Variants in PDE11A observed in about 807,000 individuals in gnomAD.
PDE11A encodes phosphodiesterase 11A.
PDE11A carries 100 observed loss-of-function variants against 100.5 expected under a neutral mutation model. The observed-to-expected ratio is 1.00, with a 90% CI of 0.85 to 1.18. The LOEUF is 1.18. Among genes scored for constraint, PDE11A ranks in the 50% most tolerant of loss-of-function variants. The probability of loss-of-function intolerance (pLI) is 0.00; values close to 1 mark genes in which losing one functional copy is unlikely to be tolerated. For synonymous variants in PDE11A, 381 were observed against 420.8 expected, an observed-to-expected ratio of 0.91 and a Z score of 1.16; for missense variants, 1,141 against 1,152.6, an observed-to-expected ratio of 0.99 and a Z score of 0.15.
chr2:177,707,237 C>G (rs1309343216), intron 13 of PDE11A, among the ~76,000 whole-genome samples: 2 of 152,178 alleles, frequency 1.3e-5, no homozygotes, highest in South Asian at 2.1e-4. Flanking sequence ...AGAATATCAA[C>G]TCTAAAGAGT....
At chr2:177,682,020 T>C (rs1222788284) in intron 15 of PDE11A, among the ~76,000 whole-genome samples, 3 of 152,200 alleles carry the variant, frequency 2.0e-5, no homozygotes, top group Non-Finnish European at 4.4e-5. Context: ...GAGAATTAAG[T>C]AAGAGCTTGG....
chr2:177,828,834 C>A (rs2083265610), intron 6 of PDE11A, among the ~76,000 whole-genome samples: 1 of 152,058 alleles, frequency 6.6e-6, no homozygotes, highest in African/African-American at 2.4e-5. Flanking sequence ...GCTTTTACTG[C>A]AGTGAAATAA....
In PDE11A at chr2:178,015,281, T is replaced by C. The variant is rs79249164; in HGVS notation, c.913-821A>G. ...ATAATGCAATGGAAAGGACACAACA[T>C]CACCAAGAATACAGTGTTCTTGTCA... On this transcript the variant is annotated intron_variant, in intron 1 of 19. Coordinates refer to ENST00000286063, the MANE Select transcript of PDE11A (RefSeq NM_016953.4). 2.8e-3 allele frequency among the ~76,000 whole-genome samples: 433 copies of C among 152,274 alleles called. 14 individuals are homozygous for C. The East Asian group carries it at 0.071, about 25-fold the overall frequency.
chr2:178,068,128 T>A (rs1474967386), intron 1 of PDE11A, among the ~76,000 whole-genome samples: 1 of 152,174 alleles, frequency 6.6e-6, no homozygotes, highest in Admixed American at 6.5e-5. Context: ...TGAGGGCAAT[T>A]TTTTCATTAC....
rs1287529242 is a variant in PDE11A at position 177,964,083 on chromosome 2, G to C, written c.1071+50219C>G. On this transcript the variant is annotated intron_variant, in intron 2 of 19. Coordinates refer to ENST00000286063, the MANE Select transcript of PDE11A (RefSeq NM_016953.4). The stretch of plus-strand genomic sequence containing the variant: ...ATTTAATTTCTATTATTTTCCAGGT[G>C]ATACATATAAATAACTTGAAAAAGT... Among the ~76,000 whole-genome samples the C allele has an allele frequency of 2.0e-5, 3 of 151,952 alleles. No individual in the cohort carries two copies. In the East Asian group the frequency reaches 5.8e-4, roughly 29 times the overall value.
intron 9 of PDE11A, among the ~76,000 whole-genome samples, chr2:177,796,106 C>G (rs1176675934): frequency 6.6e-6 from 1 of 151,216 alleles, no homozygotes; most frequent in Non-Finnish European, 1.5e-5. Flanking sequence ...TTGGAAAGGC[C>G]TGACTGTGAC....
intron 1 of PDE11A, among the ~76,000 whole-genome samples, chr2:178,047,851 CAG>C (rs2086771898): frequency 6.6e-6 from 1 of 152,060 alleles, no homozygotes; most frequent in African/African-American, 2.4e-5. Context: ...TTCTGAGGGC[CAG>C]AGAGAGAGGT....
chr2:177,904,729 T>A (rs1232949164), intron 3 of PDE11A, among the ~76,000 whole-genome samples: 1 of 152,052 alleles, frequency 6.6e-6, no homozygotes, highest in Non-Finnish European at 1.5e-5. Context: ...AATTTTTGTA[T>A]TTTTAGTAGC....
intron 10 of PDE11A, among the ~76,000 whole-genome samples, chr2:177,736,715 A>C (rs958280477): frequency 1.3e-5 from 2 of 152,234 alleles, no homozygotes. Context: ...AGCTCCCATA[A>C]GCTAAGTGAC....
At position 177,875,895 on chromosome 2, in the gene PDE11A, A is replaced by C. The variant is rs72948844; in HGVS notation, c.1331T>G (p.Leu444Trp). The change falls in exon 5 of 20, where the codon TTG becomes TGG. Residue 444 changes from leucine to tryptophan, a missense_variant. Leu to Trp is a moderately conservative substitution (Grantham distance 61). Coordinates refer to ENST00000286063, the MANE Select transcript of PDE11A (RefSeq NM_016953.4). ...ATCAGCACTGCACTTTGGGGACATC[A>C]ATTCAAAGGATTTGGTAAATTTCAC... ...PVVKFTKSFE[L>W]MSPKCSADAE... 2 of 1,612,272 alleles carry C rather than the reference A, an allele frequency of 1.2e-6. No homozygotes were observed. Among genetic ancestry groups the C allele is most frequent in the Non-Finnish European group, 1.7e-6 (2 of 1,178,316 alleles).
chr2:177,766,610 G>A (rs1469658305), intron 10 of PDE11A, among the ~76,000 whole-genome samples: 1 of 152,174 alleles, frequency 6.6e-6, no homozygotes, highest in East Asian at 1.9e-4. Flanking sequence ...TTAGAAAACT[G>A]CCATTGCACA....
At chr2:177,806,892 G>C (rs907184516) in intron 9 of PDE11A, among the ~76,000 whole-genome samples, 2 of 152,014 alleles carry the variant, frequency 1.3e-5, no homozygotes, top group Non-Finnish European at 2.9e-5. Context: ...AAAATTTATA[G>C]AACTGAAAAA....
At chr2:177,634,211 G>A (rs919216420) in intron 19 of PDE11A, among the ~76,000 whole-genome samples, 1 of 151,958 alleles carries the variant, frequency 6.6e-6, no homozygotes, top group Non-Finnish European at 1.5e-5. Flanking sequence ...CCTTTGTATG[G>A]AATAAAGAAA....
chr2:177,838,264 C>G (rs1287075721), intron 6 of PDE11A, among the ~76,000 whole-genome samples: 1 of 152,160 alleles, frequency 6.6e-6, no homozygotes, highest in African/African-American at 2.4e-5. Flanking sequence ...TCTTAAAGGG[C>G]TCCACCCAGA....
chr2:177,850,222 A>G (rs1203195516), intron 5 of PDE11A, among the ~76,000 whole-genome samples: 3 of 152,230 alleles, frequency 2.0e-5, no homozygotes, highest in African/African-American at 4.8e-5. Flanking sequence ...GCCCTCAGAA[A>G]TACTACCACA....
chr2:177,940,830 T>G (rs1035784537), intron 2 of PDE11A, among the ~76,000 whole-genome samples: 8 of 152,206 alleles, frequency 5.3e-5, no homozygotes, highest in African/African-American at 1.9e-4. Context: ...ACCCTCTATC[T>G]TGCAGTCTAG....
intron 9 of PDE11A, among the ~76,000 whole-genome samples, chr2:177,797,736 C>A (rs1381055032): frequency 1.3e-5 from 2 of 152,044 alleles, no homozygotes; most frequent in African/African-American, 4.8e-5. Flanking sequence ...ACAGTGGTGG[C>A]AAATCATTTG....
At chr2:177,836,718 A>G (rs1244141642) in intron 6 of PDE11A, among the ~76,000 whole-genome samples, 1 of 151,904 alleles carries the variant, frequency 6.6e-6, no homozygotes, top group Admixed American at 6.6e-5. Context: ...CTGCATCTTC[A>G]CTCCTGAGGC....
chr2:177,816,269 C>A (rs1041206230), intron 9 of PDE11A, among the ~76,000 whole-genome samples: 2 of 152,036 alleles, frequency 1.3e-5, no homozygotes, highest in Non-Finnish European at 2.9e-5. Context: ...TGAGTCAAAA[C>A]AAGCGTCTGA....
Sources: gnomAD v4.1 joint callset for allele counts (sites outside exome capture counted in the v4.1 genomes callset) on GRCh38, gnomAD v4.1.1 for gene constraint, MANE v1.5 for transcripts, NCBI Gene and HGNC (gene_info 2026-07-23, HGNC 2026-07-21) for gene names.